Variants in RUVBL1 observed in about 807,000 individuals in gnomAD.
RUVBL1 encodes ruvB-like 1.
A neutral mutation model predicts 52.4 loss-of-function variants in RUVBL1; 4 were observed. The ratio of observed to expected loss-of-function variants is 0.08; its 90% CI spans 0.04 to 0.17. RUVBL1 has a LOEUF of 0.17. RUVBL1 is among the 10% of genes least tolerant of loss of function. The pLI, the probability that RUVBL1 is intolerant of heterozygous loss-of-function variation, is 1.00. For synonymous variants in RUVBL1, 217 were observed against 214.4 expected (o/e 1.01, Z -0.10); for missense variants, 298 against 572.8 (o/e 0.52, Z 4.90).
At chr3:128,066,859 T>C in intron 9 of RUVBL1, 1 of 1,198,782 alleles carries the variant, frequency 8.3e-7, no homozygotes, top group Non-Finnish European at 1.2e-6. Context: ...TTTCCTCCCT[T>C]GTGGCCCACT....
At chr3:128,064,808 C>A in exon 10 of RUVBL1, 2 of 1,393,112 alleles carry the variant, frequency 1.4e-6, no homozygotes, top group African/African-American at 1.4e-5. Context: ...TATTTGTCTG[C>A]TAAGAAGGCT....
At chr3:128,095,887 G>A (rs1440835367) in intron 8 of RUVBL1, among the ~76,000 whole-genome samples, 1 of 152,156 alleles carries the variant, frequency 6.6e-6, no homozygotes, top group African/African-American at 2.4e-5. Flanking sequence ...CTCCCAGAGA[G>A]TACACTACAG....
chr3:128,085,970 G>C (rs1942634223), intron 9 of RUVBL1, among the ~76,000 whole-genome samples: 1 of 152,188 alleles, frequency 6.6e-6, no homozygotes, highest in Non-Finnish European at 1.5e-5. Flanking sequence ...CTAATGTTAT[G>C]AACTTGGGCG....
At chr3:128,070,486 C>T (rs1942129166) in intron 9 of RUVBL1, 1 of 152,258 alleles carries the variant, frequency 6.6e-6, no homozygotes, top group African/African-American at 2.4e-5. Flanking sequence ...CACGTCTCCT[C>T]GCAGCTGCCC....
At chr3:128,148,838 T>C (rs896025822) in intron 1 of RUVBL1, among the ~76,000 whole-genome samples, 9 of 152,252 alleles carry the variant, frequency 5.9e-5, no homozygotes, top group African/African-American at 2.2e-4. Context: ...TTAGAGATTG[T>C]TCCCAAGTAG....
intron 1 of RUVBL1, among the ~76,000 whole-genome samples, chr3:128,138,535 C>T (rs1299073724): frequency 2.0e-5 from 3 of 151,878 alleles, no homozygotes; most frequent in Non-Finnish European, 4.4e-5. Flanking sequence ...AACTATAAAA[C>T]ATGCAGGAAA....
downstream of RUVBL1, among the ~76,000 whole-genome samples, chr3:128,076,504 T>A (rs1329739685): frequency 6.6e-6 from 1 of 152,092 alleles, no homozygotes; most frequent in Non-Finnish European, 1.5e-5. This position sits in a 1 kb window ranked among gnomAD's most constrained non-coding sequence, Gnocchi z 6.8. Context: ...GACCGTCTAG[T>A]CTGGGTTCTC....
intron 6 of RUVBL1, 46 bp from the exon 7 acceptor site, chr3:128,098,991 T>A: frequency 6.6e-7 from 1 of 1,519,092 alleles, no homozygotes; most frequent in Non-Finnish European, 9.1e-7. Flanking sequence ...CTAAGGTGAC[T>A]ACAGAAGCCT....
chr3:128,138,385 T>G (rs1267148746), intron 1 of RUVBL1, among the ~76,000 whole-genome samples: 7 of 152,064 alleles, frequency 4.6e-5, no homozygotes, highest in Non-Finnish European at 8.8e-5. Context: ...AAAGTCAACA[T>G]GCAAAAATCA....
intron 1 of RUVBL1, among the ~76,000 whole-genome samples, chr3:128,150,928 AATATATTCTATATATTATATATATT>A (rs1559841692): frequency 1.5e-5 from 1 of 67,180 alleles, no homozygotes; most frequent in African/African-American, 7.4e-5. Flanking sequence ...TTATATATAT[AATATATTCTATATATTATATATATT>A]ATATATTCTA....
chr3:128,081,100 A>T lies in RUVBL1; in HGVS notation c.*150T>A, dbSNP rs1409573554. The T allele has an allele frequency of 2.9e-6, 2 of 687,622 alleles. No individual in the cohort carries two copies. Among genetic ancestry groups the T allele is most frequent in the East Asian group, 5.4e-5 (2 of 36,772 alleles). 42.6% of individuals were successfully genotyped at this position (687,622 alleles called of 1,614,324 possible). A position where few individuals can be genotyped will look rare whatever the true frequency, so the allele number is the denominator to read the frequency against. On this transcript the variant is annotated 3_prime_UTR_variant, in exon 11 of 11. Transcript: ENST00000322623. The surrounding 1 kb of genome is among the most constrained non-coding windows in gnomAD (Gnocchi z 4.8). ...ACCACAGGAACAGTTACGATAACTT[A>T]AAAAGAAATGCTTTCCACACTGAAC...
Position 128,081,214 on chromosome 3 carries a change from C to G in RUVBL1, c.*36G>C, listed in dbSNP as rs778523801. The G allele has an allele frequency of 1.3e-6, 2 of 1,599,492 alleles. No homozygotes were observed. On this transcript the variant is annotated 3_prime_UTR_variant, in exon 11 of 11. Transcript: ENST00000322623. The surrounding 1 kb of genome is among the most constrained non-coding windows in gnomAD (Gnocchi z 4.8). ...CAGGCTGGACCCAGGCCAGGCACAC[C>G]TGGGGAGTCTCTTACTGCTGAAAAC... is the stretch of plus-strand genomic sequence containing the variant.
intron 2 of RUVBL1, among the ~76,000 whole-genome samples, chr3:128,115,686 G>T (rs1467163788): frequency 6.6e-6 from 1 of 152,050 alleles, no homozygotes; most frequent in East Asian, 1.9e-4. Context: ...TGGCACACTG[G>T]GTCCACTGAA....
At chr3:128,102,145 T>C (rs1943121996) in intron 4 of RUVBL1, among the ~76,000 whole-genome samples, 1 of 152,266 alleles carries the variant, frequency 6.6e-6, no homozygotes, top group African/African-American at 2.4e-5. Flanking sequence ...CAGCACCTGC[T>C]TACCAATCTC....
At chr3:128,079,967 CG>C (rs930781911), downstream of RUVBL1, among the ~76,000 whole-genome samples, 3 of 152,190 alleles carry the variant, frequency 2.0e-5, no homozygotes, top group African/African-American at 7.2e-5. Context: ...GAACAGCGTC[CG>C]GGTACTTAGC....
At chr3:128,066,595 T>C (rs1210670139) in intron 9 of RUVBL1, 1 of 244,056 alleles carries the variant, frequency 4.1e-6, no homozygotes, top group Non-Finnish European at 7.9e-6. Context: ...GCCAGTTTTG[T>C]TTATTTTTTG....
chr3:128,150,945 A>ATATATTCTATATATTC (rs1559841716), intron 1 of RUVBL1, among the ~76,000 whole-genome samples: 8 of 75,376 alleles, frequency 1.1e-4, no homozygotes, highest in Non-Finnish European at 1.6e-4. Context: ...TCTATATATT[A>ATATATTCTATATATTC]TATATATTAT....
At chr3:128,127,023 A>G (rs1279084624), upstream of RUVBL1, among the ~76,000 whole-genome samples, 1 of 152,204 alleles carries the variant, frequency 6.6e-6, no homozygotes, top group Non-Finnish European at 1.5e-5. Context: ...AGCTAGTTCA[A>G]TGACAGTCAG....
At position 128,081,165 on chromosome 3, in the gene RUVBL1, C is replaced by T; in HGVS notation, c.*85G>A. The T allele has an allele frequency of 6.8e-7, 1 of 1,461,564 alleles. No individual in the cohort carries two copies. The highest frequency in any genetic ancestry group is 9.4e-7 in the Non-Finnish European group (1 of 1,067,878). 90.5% of individuals were successfully genotyped at this position (1,461,564 alleles called of 1,614,324 possible). A position where few individuals can be genotyped will look rare whatever the true frequency, so the allele number is the denominator to read the frequency against. Reference sequence around the variant, plus strand: ...ACCACGCCTGAGTGGGGACGGCAGCCCCAAGCCCAGGGGCAAGCGCCCACA... The same window carrying T: ...ACCACGCCTGAGTGGGGACGGCAGCTCCAAGCCCAGGGGCAAGCGCCCACA... On this transcript the variant is annotated 3_prime_UTR_variant, in exon 11 of 11. Coordinates refer to ENST00000322623, the MANE Select transcript of RUVBL1 (RefSeq NM_003707.3). This position sits in a 1 kb window ranked among gnomAD's most constrained non-coding sequence, Gnocchi z 4.8.
Sources: gnomAD v4.1 joint callset for allele counts (sites outside exome capture counted in the v4.1 genomes callset) on GRCh38, gnomAD v4.1.1 for gene constraint, Gnocchi (gnomAD v3.1) non-coding constraint, MANE v1.5 for transcripts, NCBI Gene and HGNC (gene_info 2026-07-23, HGNC 2026-07-21) for gene names.